The following SYN3 variants were observed in gnomAD, a reference collection of about 807,000 sequenced individuals.
SYN3 encodes synapsin-3.
SYN3 carries 35 observed loss-of-function variants against 65.8 expected under a neutral mutation model. The observed-to-expected ratio is 0.53, with a 90% CI of 0.41 to 0.70. SYN3 has a LOEUF of 0.70. Ranked by LOEUF, SYN3 falls within the 30% of genes least tolerant of loss-of-function variation. The pLI is 0.00. For missense variants in SYN3, 680 were observed against 749.0 expected, an observed-to-expected ratio of 0.91 and a Z score of 1.08; for synonymous variants, 270 against 292.9, an observed-to-expected ratio of 0.92 and a Z score of 0.80.
intron 4 of SYN3, among the ~76,000 whole-genome samples, chr22:32,911,551 G>A (rs948923674): frequency 6.6e-6 from 1 of 152,042 alleles, no homozygotes; most frequent in African/African-American, 2.4e-5. Flanking sequence ...ATGGGAGGGG[G>A]GCAGCAGGAG....
intron 4 of SYN3, among the ~76,000 whole-genome samples, chr22:32,922,174 T>C (rs760303588): frequency 7.9e-5 from 12 of 152,224 alleles, no homozygotes; most frequent in Non-Finnish European, 1.5e-4. Flanking sequence ...GATTGTACTC[T>C]TGCATGGCAT....
At chr22:32,857,721 A>G (rs1041582129) in intron 6 of SYN3, among the ~76,000 whole-genome samples, 1 of 152,316 alleles carries the variant, frequency 6.6e-6, no homozygotes, top group South Asian at 2.1e-4. Flanking sequence ...GAGAAAACAA[A>G]AACAAAAATC....
At position 32,743,665 on chromosome 22, in the gene SYN3, G is replaced by T. The variant is rs1237173409; in HGVS notation, c.711+121250C>A. On this transcript the variant is annotated intron_variant, in intron 6 of 13. Coordinates refer to ENST00000358763, the MANE Select transcript of SYN3 (RefSeq NM_003490.4). ...TATCCTTGGGGCTCAGGTGACAGTTGTCTTTAGCTGCCTCTCCCCTTGGAC... is the reference window on the plus strand; with the variant it reads ...TATCCTTGGGGCTCAGGTGACAGTTTTCTTTAGCTGCCTCTCCCCTTGGAC... Among the ~76,000 whole-genome samples, 3 of 152,142 alleles carry T rather than the reference G, an allele frequency of 2.0e-5. No individual in the cohort carries two copies. In the East Asian group the frequency reaches 5.8e-4, roughly 29 times the overall value.
intron 6 of SYN3, among the ~76,000 whole-genome samples, chr22:32,682,647 G>T (rs1267090115): frequency 6.6e-6 from 1 of 152,206 alleles, no homozygotes; most frequent in African/African-American, 2.4e-5. Flanking sequence ...TTGGAGTTAA[G>T]TTGTTTAAGT....
chr22:32,979,538 T>C (rs1443306348), intron 3 of SYN3, among the ~76,000 whole-genome samples: 1 of 152,194 alleles, frequency 6.6e-6, no homozygotes, highest in Non-Finnish European at 1.5e-5. Flanking sequence ...AGAACAGTCA[T>C]GCCCCCCATT....
At chr22:32,580,113 G>A (rs1051608994) in intron 7 of SYN3, among the ~76,000 whole-genome samples, 1 of 152,266 alleles carries the variant, frequency 6.6e-6, no homozygotes. Context: ...TACAGCTTGT[G>A]CGTCCACAGA....
chr22:32,646,275 T>G (rs931551596), intron 6 of SYN3, among the ~76,000 whole-genome samples: 2 of 152,142 alleles, frequency 1.3e-5, no homozygotes, highest in African/African-American at 4.8e-5. Flanking sequence ...CATTGGTGTT[T>G]CCTCCCACTG....
At position 32,966,421 on chromosome 22, in the gene SYN3, G is replaced by C. The variant is rs569227291; in HGVS notation, c.369+14224C>G. Among the ~76,000 whole-genome samples, 6 of 152,306 alleles carry C rather than the reference G, an allele frequency of 3.9e-5. No homozygotes were observed. The South Asian group carries it at 1.2e-3, about 32-fold the overall frequency. The stretch of plus-strand genomic sequence containing the variant: ...GCAGTTTGGTGAGACCGAAGTCTAA[G>C]GTAGAGCACGGGAGGAGATGAGCAA... On this transcript the variant is annotated intron_variant, in intron 3 of 13. Transcript: ENST00000358763.
chr22:32,814,351 GAGAAAGAA>G (rs940671309), intron 6 of SYN3, among the ~76,000 whole-genome samples: 1 of 14,574 alleles, frequency 6.9e-5, no homozygotes, highest in African/African-American at 1.5e-4. Flanking sequence ...GAAAGAAAGA[GAGAAAGAA>G]AGAAAGAAAG....
At chr22:32,835,695 C>T (rs903898382) in intron 6 of SYN3, among the ~76,000 whole-genome samples, 6 of 152,246 alleles carry the variant, frequency 3.9e-5, no homozygotes, top group Admixed American at 1.3e-4. Context: ...ACTCTTTGGT[C>T]CAAAGGGCTG....
chr22:32,641,797 AATTGT>A lies in SYN3; in HGVS notation c.712-45066_712-45062del, dbSNP rs570117116. Among the ~76,000 whole-genome samples the A allele has an allele frequency of 2.1e-4, 32 of 152,186 alleles. 1 individual carries two copies. In the South Asian group the frequency reaches 6.0e-3, roughly 29 times the overall value. ...CTTAATACTACACTTAAAGTGGGTA[AATTGT>A]ATTGTAAGTGACTTATATCTCAATA... On this transcript the variant is annotated intron_variant, in intron 6 of 13. Coordinates refer to ENST00000358763, the MANE Select transcript of SYN3 (RefSeq NM_003490.4).
intron 6 of SYN3, among the ~76,000 whole-genome samples, chr22:32,835,846 C>A (rs995664137): frequency 1.3e-5 from 2 of 152,168 alleles, no homozygotes. Context: ...AGATTTGAAT[C>A]CAGACTTCAC....
intron 2 of SYN3, among the ~76,000 whole-genome samples, chr22:33,002,060 G>A (rs561265573): frequency 6.6e-6 from 1 of 152,298 alleles, no homozygotes; most frequent in East Asian, 1.9e-4. Context: ...ATTGTTCAGG[G>A]CAGAGGGCCT....
intron 6 of SYN3, among the ~76,000 whole-genome samples, chr22:32,780,943 T>TTCCC (rs1555958492): frequency 1.6e-5 from 1 of 64,042 alleles, no homozygotes; most frequent in African/African-American, 6.1e-5. Flanking sequence ...CTTTCCTTCC[T>TTCCC]TCCTTCCTTC....
intron 6 of SYN3, among the ~76,000 whole-genome samples, chr22:32,645,776 G>C (rs1267183592): frequency 6.6e-6 from 1 of 152,006 alleles, no homozygotes; most frequent in East Asian, 1.9e-4. Context: ...TGGCATAGGA[G>C]ACAACAGATT....
chr22:32,514,888 C>A (rs931587296), intron 13 of SYN3, among the ~76,000 whole-genome samples: 1 of 152,096 alleles, frequency 6.6e-6, no homozygotes, highest in African/African-American at 2.4e-5. Flanking sequence ...AGGTGGCGTG[C>A]GCCTGTAGTC....
chr22:32,596,919 C>T lies in SYN3; in HGVS notation c.712-183G>A, dbSNP rs2059208504. 4.6e-5 allele frequency among the ~76,000 whole-genome samples: 7 copies of T among 152,208 alleles called. No individual in the cohort carries two copies. In the South Asian group the frequency reaches 1.4e-3, roughly 32 times the overall value. The stretch of plus-strand genomic sequence containing the variant: ...CCCTCAATGTCAGTGCTTTTGGCTT[C>T]CAAAGGAAGCTCTGAGCTCTTAAGA... On this transcript the variant is annotated intron_variant, in intron 6 of 13. Transcript: ENST00000358763.
At chr22:32,725,777 T>A (rs1005770666) in intron 6 of SYN3, among the ~76,000 whole-genome samples, 1 of 152,238 alleles carries the variant, frequency 6.6e-6, no homozygotes, top group African/African-American at 2.4e-5. Flanking sequence ...AGGAAGATCA[T>A]AAATTTGTGT....
At chr22:32,762,426 CAACA>C (rs1399543693) in intron 6 of SYN3, among the ~76,000 whole-genome samples, 1 of 152,208 alleles carries the variant, frequency 6.6e-6, no homozygotes, top group Non-Finnish European at 1.5e-5. Flanking sequence ...TCAGTGGGAA[CAACA>C]AACAAACAGA....
Sources: allele counts gnomAD v4.1 joint callset (sites outside exome capture counted in the v4.1 genomes callset), GRCh38; gene constraint gnomAD v4.1.1; transcripts MANE v1.5; gene names NCBI Gene and HGNC (gene_info 2026-07-23, HGNC 2026-07-21).